The following DMD variants were observed in gnomAD, a reference collection of about 807,000 sequenced individuals.
DMD encodes dystrophin, also known as mutant dystrophin.
A neutral mutation model predicts 330.1 loss-of-function variants in DMD; 63 were observed. That is an observed-to-expected ratio of 0.19 (90% CI 0.16 to 0.24). The LOEUF (loss-of-function observed/expected upper bound fraction) is 0.24. DMD is among the 10% of genes least tolerant of loss of function. The pLI, the probability that DMD is intolerant of heterozygous loss-of-function variation, is 1.00. For synonymous variants in DMD, 1,223 were observed against 959.8 expected, an observed-to-expected ratio of 1.27 and a Z score of -5.07; for missense variants, 3,344 against 2,684.1, an observed-to-expected ratio of 1.25 and a Z score of -5.43.
At chrX:32,894,021 G>A (rs976830502) in intron 2 of DMD, among the ~76,000 whole-genome samples, 1 of 111,090 alleles carries the variant, frequency 9.0e-6, no homozygotes. Context: ...AACCAAACCT[G>A]CCGCTGAAAG....
intron 44 of DMD, among the ~76,000 whole-genome samples, chrX:32,027,758 C>A (rs997662343): frequency 8.9e-6 from 1 of 112,244 alleles, no homozygotes; most frequent in Non-Finnish European, 1.9e-5. Flanking sequence ...CAAATGCCTA[C>A]TAAAGGACTG....
chrX:32,859,548 T>C (rs1451273855), intron 2 of DMD, among the ~76,000 whole-genome samples: 1 of 109,191 alleles, frequency 9.2e-6, no homozygotes. Context: ...AATATTATAT[T>C]AGAAAGTGCA....
chrX:32,941,224 C>G (rs2090392614), intron 2 of DMD, among the ~76,000 whole-genome samples: 1 of 111,899 alleles, frequency 8.9e-6, no homozygotes, highest in Non-Finnish European at 1.9e-5. Flanking sequence ...AGTTCAGCCA[C>G]TGTGGAAGGC....
At chrX:32,177,628 A>T (rs2096910928) in intron 44 of DMD, among the ~76,000 whole-genome samples, 1 of 104,720 alleles carries the variant, frequency 9.5e-6, no homozygotes, top group Admixed American at 1.0e-4. Flanking sequence ...CTCTCTCTCA[A>T]TCTCTCTCTC....
At chrX:32,807,896 A>T (rs1295016782) in intron 7 of DMD, among the ~76,000 whole-genome samples, 1 of 111,986 alleles carries the variant, frequency 8.9e-6, no homozygotes, top group African/African-American at 3.2e-5. Context: ...ACACACAAGA[A>T]TAACTAGAGC....
At chrX:31,804,664 G>A (rs1048296627) in intron 50 of DMD, among the ~76,000 whole-genome samples, 7 of 110,892 alleles carry the variant, frequency 6.3e-5, no homozygotes, top group East Asian at 2.8e-4. Context: ...CTGACACATC[G>A]CTCCTCACCC....
intron 2 of DMD, among the ~76,000 whole-genome samples, chrX:32,875,254 T>A (rs757464258): frequency 1.8e-5 from 2 of 111,571 alleles, no homozygotes; most frequent in East Asian, 5.7e-4. Flanking sequence ...ATTGCCTATG[T>A]TTCTATTTAA....
intron 60 of DMD, among the ~76,000 whole-genome samples, chrX:31,399,836 GT>G (rs1306929630): frequency 9.0e-6 from 1 of 111,683 alleles, no homozygotes; most frequent in Admixed American, 9.6e-5. Flanking sequence ...GGGCAGAGTA[GT>G]TAGAGAGGAA....
At chrX:32,733,189 A>G (rs188448922) in intron 7 of DMD, among the ~76,000 whole-genome samples, 7,722 of 110,460 alleles carry the variant, frequency 0.07, 787 homozygotes, top group African/African-American at 0.25. Flanking sequence ...ATGGTAAAGG[A>G]ATCAATTCAA....
intron 55 of DMD, among the ~76,000 whole-genome samples, chrX:31,574,713 G>A (rs2076013114): frequency 9.0e-6 from 1 of 111,200 alleles, no homozygotes; most frequent in Non-Finnish European, 1.9e-5. Flanking sequence ...AACATGGTCT[G>A]TTAACTTGCA....
chrX:32,838,819 T>C (rs1228181985), intron 4 of DMD, among the ~76,000 whole-genome samples: 1 of 112,086 alleles, frequency 8.9e-6, no homozygotes, highest in Non-Finnish European at 1.9e-5. Flanking sequence ...GCTTTTACAC[T>C]GTTGGTGGGA....
chrX:31,727,963 A>C (rs1377180703), intron 52 of DMD, among the ~76,000 whole-genome samples: 2 of 112,756 alleles, frequency 1.8e-5, no homozygotes, highest in East Asian at 5.6e-4. Flanking sequence ...AATGGTAAAC[A>C]TACTAGAAAG....
chrX:32,866,878 C>T (rs980237358), intron 2 of DMD, among the ~76,000 whole-genome samples: 13 of 110,382 alleles, frequency 1.2e-4, no homozygotes, highest in African/African-American at 3.0e-4. Flanking sequence ...GGATTACAGG[C>T]GCATGCCACC....
chrX:32,807,847 T>G (rs2077072490), intron 7 of DMD, among the ~76,000 whole-genome samples: 1 of 111,774 alleles, frequency 8.9e-6, no homozygotes, highest in Non-Finnish European at 1.9e-5. Flanking sequence ...AAATATCTAT[T>G]TTTAAATCTT....
intron 60 of DMD, among the ~76,000 whole-genome samples, chrX:31,404,223 C>G (rs73617086): frequency 0.027 from 3,023 of 110,909 alleles, 94 homozygotes; most frequent in African/African-American, 0.093. Flanking sequence ...AATTAAGGTG[C>G]ACATATATGA....
At chrX:31,288,142 G>C (rs755589071) in intron 62 of DMD, among the ~76,000 whole-genome samples, 1 of 110,929 alleles carries the variant, frequency 9.0e-6, no homozygotes, top group Non-Finnish European at 1.9e-5. Context: ...AGAAGAAACA[G>C]ACAAAAAAAA....
At chrX:32,086,842 A>G (rs2096442946) in intron 44 of DMD, among the ~76,000 whole-genome samples, 1 of 112,032 alleles carries the variant, frequency 8.9e-6, no homozygotes, top group Admixed American at 9.5e-5. Flanking sequence ...CCGAAGAAAA[A>G]GAAAAAGTAC....
chrX:33,038,056 G>A (rs1381883573), intron 1 of DMD, among the ~76,000 whole-genome samples: 2 of 112,193 alleles, frequency 1.8e-5, no homozygotes, highest in Non-Finnish European at 1.9e-5. Context: ...GCAGTTAAGT[G>A]TCAAAATACA....
intron 44 of DMD, among the ~76,000 whole-genome samples, chrX:32,041,516 T>A (rs1400099490): frequency 8.9e-6 from 1 of 112,260 alleles, no homozygotes; most frequent in Non-Finnish European, 1.9e-5. Flanking sequence ...GGGCTTATTG[T>A]CATCTAGTAC....
Sources: gnomAD v4.1 joint callset for allele counts (sites outside exome capture counted in the v4.1 genomes callset) on GRCh38, gnomAD v4.1.1 for gene constraint, MANE v1.5 for transcripts, NCBI Gene and HGNC (gene_info 2026-07-23, HGNC 2026-07-21) for gene names.